Variants in USP42 observed in about 807,000 individuals in gnomAD.
USP42 encodes ubiquitin specific peptidase 42, also known as ubiquitin carboxyl-terminal hydrolase 42.
A neutral mutation model predicts 113.0 loss-of-function variants in USP42; 23 were observed. The observed-to-expected ratio is 0.20, with a 90% CI of 0.15 to 0.29. The LOEUF (loss-of-function observed/expected upper bound fraction) is 0.29. Among genes scored for constraint, USP42 ranks in the 10% least tolerant of loss-of-function variants. The pLI, the probability that USP42 is intolerant of heterozygous loss-of-function variation, is 1.00. For synonymous variants in USP42, 933 were observed against 699.0 expected, an observed-to-expected ratio of 1.33 and a Z score of -5.28; for missense variants, 2,174 against 1,779.8, an observed-to-expected ratio of 1.22 and a Z score of -3.99.
chr7:6,139,745 T>C lies in USP42; in HGVS notation c.657-383T>C. Reference sequence around the variant, plus strand: ...TGGCACCGCCCTGTCTAGGACTTCATTGTCCGGGTGATGACATACTTGGGT... The same window carrying C: ...TGGCACCGCCCTGTCTAGGACTTCACTGTCCGGGTGATGACATACTTGGGT... On this transcript the variant is annotated intron_variant, in intron 5 of 17. Coordinates refer to ENST00000306177, the MANE Select transcript of USP42 (RefSeq NM_032172.3). This position sits in a 1 kb window ranked among gnomAD's most constrained non-coding sequence, Gnocchi z 4.5. 1 of 318,706 alleles carries C rather than the reference T, an allele frequency of 3.1e-6. No homozygotes were observed. The highest frequency in any genetic ancestry group is 3.1e-5 in the South Asian group (1 of 32,546). 19.7% of individuals were successfully genotyped at this position (318,706 alleles called of 1,614,324 possible).
chr7:6,155,278 C>A (rs558105011), intron 15 of USP42, 83 bp downstream of exon 15: 289 of 1,441,360 alleles, frequency 2.0e-4, no homozygotes, highest in Non-Finnish European at 2.5e-4. Context: ...GACTCAGGAA[C>A]AAGTGACCAG....
chr7:6,122,643 A>G (rs969567011), intron 3 of USP42, among the ~76,000 whole-genome samples: 4 of 146,940 alleles, frequency 2.7e-5, no homozygotes, highest in Admixed American at 1.4e-4. Context: ...GCTAATTTTT[A>G]TATTTTTAGT....
chr7:6,089,536 C>CTT, the USP42 span, among the ~76,000 whole-genome samples: 7 of 139,718 alleles, frequency 5.0e-5, no homozygotes, highest in Non-Finnish European at 6.2e-5. Flanking sequence ...CTGACTTTCT[C>CTT]TTTTTTTTTT....
At chr7:6,116,714 C>A in intron 3 of USP42, 1 of 503,242 alleles carries the variant, frequency 2.0e-6, no homozygotes, top group Non-Finnish European at 4.0e-6. Flanking sequence ...GAAAAATCAC[C>A]TAGAATCTCA....
chr7:6,092,024 T>C, the USP42 span, among the ~76,000 whole-genome samples: 1 of 109,306 alleles, frequency 9.1e-6, no homozygotes, highest in Non-Finnish European at 1.9e-5. Context: ...CTTCTTCTTC[T>C]TCTTCTTCTT....
Position 6,154,367 on chromosome 7 carries a change from C to T in USP42, c.2813C>T (p.Ala938Val), listed in dbSNP as rs768433235. The change falls in exon 15 of 18, where the codon GCG becomes GTG. Residue 938 changes from alanine to valine, a missense_variant. By Grantham distance (64) the Ala-to-Val change is moderately conservative. Coordinates refer to ENST00000306177, the MANE Select transcript of USP42 (RefSeq NM_032172.3). ...CCGAAAGCCCCAGGCCCTTCCCCAG[C>T]GAAGGAGAAAATCGGCAGCCTCAGA... ...AAPKAPGPSP[A>V]KEKIGSLRKV... 3.8e-6 allele frequency: 6 copies of T among 1,575,378 alleles called. No individual in the cohort carries two copies. The African/African-American group carries it at 5.4e-5, about 14-fold the overall frequency.
chr7:6,102,718 C>G (rs968798479), upstream of USP42, among the ~76,000 whole-genome samples: 1 of 150,608 alleles, frequency 6.6e-6, no homozygotes, highest in African/African-American at 2.5e-5. Flanking sequence ...GGGCTGGGTA[C>G]TGGAATTGAG....
At chr7:6,145,226 G>A (rs536047995) in intron 9 of USP42, among the ~76,000 whole-genome samples, 9 of 152,090 alleles carry the variant, frequency 5.9e-5, no homozygotes, top group African/African-American at 1.9e-4. Flanking sequence ...GGCTACTCGG[G>A]AGGCTGAGGC....
chr7:6,122,349 C>T (rs1346977959), intron 3 of USP42, among the ~76,000 whole-genome samples: 2 of 148,240 alleles, frequency 1.3e-5, no homozygotes, highest in East Asian at 4.0e-4. Flanking sequence ...GCAGTGGTGT[C>T]ATCATAGCTC....
At chr7:6,111,087 A>T (rs751292352) in intron 1 of USP42, 38 bp from the exon 2 acceptor site, 1 of 1,579,042 alleles carries the variant, frequency 6.3e-7, no homozygotes, top group Non-Finnish European at 8.6e-7. Flanking sequence ...TGCTTTTCTC[A>T]CCTGATGAAA....
intron 3 of USP42, chr7:6,116,837 C>T (rs74583676): frequency 9.8e-5 from 52 of 533,118 alleles, no homozygotes; most frequent in African/African-American, 1.7e-4. Flanking sequence ...ATCACTTTTG[C>T]GCTTAATGAA....
chr7:6,106,460 C>A (rs2128472965), intron 1 of USP42, among the ~76,000 whole-genome samples: 1 of 152,248 alleles, frequency 6.6e-6, no homozygotes. Context: ...GGAGACATAC[C>A]ATATAAGAGA....
intron 11 of USP42, among the ~76,000 whole-genome samples, chr7:6,147,053 A>G (rs1342731590): frequency 2.6e-5 from 4 of 152,252 alleles, no homozygotes; most frequent in Admixed American, 1.3e-4. Flanking sequence ...TTGATAGCTG[A>G]AAATCAAGAA....
At chr7:6,086,383 T>G in the USP42 span, among the ~76,000 whole-genome samples, 1 of 150,780 alleles carries the variant, frequency 6.6e-6, no homozygotes, top group South Asian at 2.1e-4. Flanking sequence ...TTTTTTGTAT[T>G]TTTAATAGAG....
rs201085042 is a variant in USP42, at chr7:6,159,487, A to G, written c.*30A>G. 1.9e-6 allele frequency: 3 copies of G among 1,613,670 alleles called. No homozygotes were observed. The highest frequency in any genetic ancestry group is 2.7e-5 in the African/African-American group (2 of 75,032). On this transcript the variant is annotated 3_prime_UTR_variant, in exon 17 of 18. Coordinates refer to ENST00000306177, the MANE Select transcript of USP42 (RefSeq NM_032172.3). This position sits in a 1 kb window ranked among gnomAD's most constrained non-coding sequence, Gnocchi z 4.1. The stretch of plus-strand genomic sequence containing the variant: ...TCAGCCTCAAAACAAAAAATTCACT[A>G]GTTATGGTAAGCTGTTTTCCTGTCT...
chr7:6,109,689 C>T (rs1259527222), intron 1 of USP42, among the ~76,000 whole-genome samples: 1 of 148,650 alleles, frequency 6.7e-6, no homozygotes, highest in Non-Finnish European at 1.5e-5. Context: ...AGCCACTGCG[C>T]CCCGCCCGGC....
chr7:6,127,483 TGA>T (rs996000859), intron 3 of USP42, among the ~76,000 whole-genome samples: 39 of 152,290 alleles, frequency 2.6e-4, no homozygotes, highest in African/African-American at 9.4e-4. Context: ...AGATTTGAGC[TGA>T]GTTTTTTTGT....
chr7:6,124,833 A>T (rs543022243), intron 3 of USP42, among the ~76,000 whole-genome samples: 1 of 151,138 alleles, frequency 6.6e-6, no homozygotes, highest in Admixed American at 6.6e-5. Flanking sequence ...ATTTTTTTTC[A>T]TGGTGGTTAC....
At chr7:6,088,191 G>T in the USP42 span, among the ~76,000 whole-genome samples, 1 of 151,256 alleles carries the variant, frequency 6.6e-6, no homozygotes, top group African/African-American at 2.5e-5. Flanking sequence ...GTGCACTCCA[G>T]CCTGGGCAAC....
Sources: allele counts gnomAD v4.1 joint callset (sites outside exome capture counted in the v4.1 genomes callset), GRCh38; gene constraint gnomAD v4.1.1; non-coding constraint Gnocchi (gnomAD v3.1); transcripts MANE v1.5; gene names NCBI Gene and HGNC (gene_info 2026-07-23, HGNC 2026-07-21).